The following TMCO4 variants were observed in gnomAD, a reference collection of about 807,000 sequenced individuals.
TMCO4 encodes transmembrane and coiled-coil domain-containing protein 4.
TMCO4 carries 58 observed loss-of-function variants against 64.7 expected under a neutral mutation model. The ratio of observed to expected loss-of-function variants is 0.90; its 90% confidence interval spans 0.73 to 1.12. The LOEUF is 1.12. Among genes scored for constraint, TMCO4 ranks in the 50% most tolerant of loss-of-function variants. TMCO4 has a pLI of 0.00. For missense variants in TMCO4, 780 were observed against 825.9 expected (o/e 0.94, Z 0.68); for synonymous variants, 325 against 346.1 (o/e 0.94, Z 0.68).
chr1:19,722,761 C>T (rs747943960), intron 13 of TMCO4, among the ~76,000 whole-genome samples: 5 of 152,110 alleles, frequency 3.3e-5, no homozygotes, highest in African/African-American at 9.7e-5. Flanking sequence ...TCCAAGGGAG[C>T]GCTGCTGGTC....
intron 15 of TMCO4, among the ~76,000 whole-genome samples, chr1:19,694,175 A>C (rs1292301772): frequency 1.6e-4 from 24 of 151,976 alleles, no homozygotes; most frequent in Admixed American, 1.6e-3. Context: ...ATAATTTAAA[A>C]ATTTTTTATA....
chr1:19,697,086 A>C (rs909821813), intron 14 of TMCO4, among the ~76,000 whole-genome samples: 8 of 152,240 alleles, frequency 5.3e-5, no homozygotes, highest in African/African-American at 1.9e-4. Flanking sequence ...ACAGGTGTTC[A>C]GGGAGCCGCG....
rs891622354 is a variant in TMCO4, at chr1:19,682,308, A to G, written c.*732T>C. The G allele has an allele frequency of 3.7e-6, 1 of 272,210 alleles. No individual in the cohort carries two copies. The highest frequency in any genetic ancestry group is 7.0e-6 in the Non-Finnish European group (1 of 141,972). The allele number at this position is 272,210 out of a possible 1,614,324, so 16.9% of individuals were successfully genotyped here. Reference sequence around the variant, plus strand: ...CTGCTACAGGAAATTCTTTCCATGTAAAATTCATTCTTGTCCCCAGGCCTA... The same window carrying G: ...CTGCTACAGGAAATTCTTTCCATGTGAAATTCATTCTTGTCCCCAGGCCTA... On this transcript the variant is annotated 3_prime_UTR_variant, in exon 16 of 16. Coordinates refer to ENST00000294543, the MANE Select transcript of TMCO4 (RefSeq NM_181719.7).
rs910672231 is a variant in TMCO4 at position 19,781,101 on chromosome 1, C to T, written c.-8-335G>A. ...GAGATTCCACAGTGAGCCGAGATCG[C>T]GCCACGGCACTCCAGCCTGGCTGAC... is the stretch of plus-strand genomic sequence containing the variant. On this transcript the variant is annotated intron_variant, in intron 3 of 15. Coordinates refer to ENST00000294543, the MANE Select transcript of TMCO4 (RefSeq NM_181719.7). Among the ~76,000 whole-genome samples, 5 of 149,264 alleles carry T rather than the reference C, an allele frequency of 3.3e-5. No homozygotes were observed. The South Asian group carries it at 6.4e-4, about 19-fold the overall frequency.
chr1:19,749,005 T>A (rs1042822295), intron 7 of TMCO4, among the ~76,000 whole-genome samples: 3 of 152,208 alleles, frequency 2.0e-5, no homozygotes, highest in African/African-American at 7.2e-5. Flanking sequence ...GTCACTTCAT[T>A]ACACAGAAGC....
intron 13 of TMCO4, among the ~76,000 whole-genome samples, chr1:19,709,760 A>G (rs1317545892): frequency 6.6e-6 from 1 of 151,896 alleles, no homozygotes; most frequent in Admixed American, 6.6e-5. Flanking sequence ...CAAACAAAAA[A>G]AGCTCTGGAA....
intron 8 of TMCO4, 138 bp from the exon 9 acceptor site, chr1:19,746,737 A>G (rs2041804766): frequency 1.8e-6 from 2 of 1,123,500 alleles, no homozygotes; most frequent in Non-Finnish European, 2.5e-6. Context: ...ATCCTGGCTA[A>G]CACGGTGAAA....
intron 13 of TMCO4, among the ~76,000 whole-genome samples, chr1:19,707,116 T>C (rs1345522494): frequency 6.6e-6 from 1 of 152,224 alleles, no homozygotes; most frequent in African/African-American, 2.4e-5. Context: ...TGACCTTCCC[T>C]TCATTCTCTG....
Position 19,745,531 on chromosome 1 carries a change from C to T in TMCO4, c.877+1G>A, listed in dbSNP as rs145825608. ...CCACTTCTGGTCCTCCTGGTCCTCA[C>T]GGTATTTGCCAGAAGCGAGCCACCC... On this transcript the variant is annotated splice_donor_variant, in intron 10 of 15. Coordinates refer to ENST00000294543, the MANE Select transcript of TMCO4 (RefSeq NM_181719.7). LOFTEE classifies it high-confidence loss of function. 40 of 1,613,974 alleles carry T rather than the reference C, an allele frequency of 2.5e-5. No individual in the cohort carries two copies. The highest frequency in any genetic ancestry group is 1.6e-4 in the Middle Eastern group (1 of 6,084).
chr1:19,707,056 C>A (rs1176966281), intron 13 of TMCO4, among the ~76,000 whole-genome samples: 1 of 152,218 alleles, frequency 6.6e-6, no homozygotes, highest in African/African-American at 2.4e-5. Context: ...GGGGACCCAT[C>A]TCTCATGGAG....
intron 2 of TMCO4, among the ~76,000 whole-genome samples, chr1:19,794,018 C>T (rs2044183101): frequency 6.6e-6 from 1 of 152,092 alleles, no homozygotes; most frequent in African/African-American, 2.4e-5. Context: ...GGGGCCGCTG[C>T]AATCTGGCCT....
intron 2 of TMCO4, among the ~76,000 whole-genome samples, chr1:19,788,429 C>T (rs950453560): frequency 5.9e-5 from 9 of 152,092 alleles, no homozygotes; most frequent in East Asian, 1.9e-4. Context: ...TGTTAGGACA[C>T]GCACCAGGAT....
intron 13 of TMCO4, among the ~76,000 whole-genome samples, chr1:19,710,290 T>C (rs2095324814): frequency 6.7e-6 from 1 of 149,802 alleles, no homozygotes; most frequent in Non-Finnish European, 1.5e-5. Context: ...TTTTTGGATT[T>C]TTAGTAGAGA....
At chr1:19,719,429 G>A (rs1354407486) in intron 13 of TMCO4, among the ~76,000 whole-genome samples, 2 of 152,160 alleles carry the variant, frequency 1.3e-5, no homozygotes, top group Non-Finnish European at 2.9e-5. Flanking sequence ...TTCAGTTACA[G>A]CACTGGGTAA....
chr1:19,694,699 A>C (rs2095224049), intron 14 of TMCO4, 148 bp from the exon 15 acceptor site: 1 of 693,710 alleles, frequency 1.4e-6, no homozygotes, highest in Non-Finnish European at 2.5e-6. Flanking sequence ...TGGGGATGGA[A>C]GATGAAGCAG....
intron 6 of TMCO4, among the ~76,000 whole-genome samples, chr1:19,759,793 T>C (rs891208707): frequency 6.6e-6 from 1 of 152,244 alleles, no homozygotes. Flanking sequence ...AGGTTTATTG[T>C]CTGGCTTTCC....
rs188529836 is a variant in TMCO4, at chr1:19,771,958, T to C, written c.180-476A>G. Among the ~76,000 whole-genome samples, 732 of 152,210 alleles carry C rather than the reference T, an allele frequency of 4.8e-3. 5 individuals carry two copies. Among genetic ancestry groups the C allele is most frequent in the African/African-American group, 0.016 (666 of 41,542 alleles). The stretch of plus-strand genomic sequence containing the variant: ...CAAGCGTGAGACACCGTGCCCAGCC[T>C]GGGTGATGTGGATTTTGGTTTCTTC... On this transcript the variant is annotated intron_variant, in intron 4 of 15. Coordinates refer to ENST00000294543, the MANE Select transcript of TMCO4 (RefSeq NM_181719.7).
chr1:19,702,862 G>A (rs1006503765), intron 13 of TMCO4, among the ~76,000 whole-genome samples: 1 of 152,254 alleles, frequency 6.6e-6, no homozygotes, highest in South Asian at 2.1e-4. Flanking sequence ...GCTGCAGATT[G>A]GAAACCAGTA....
At chr1:19,736,072 A>G (rs10917529) in intron 13 of TMCO4, among the ~76,000 whole-genome samples, 22,492 of 152,158 alleles carry the variant, frequency 0.15, 1,909 homozygotes, top group East Asian at 0.33. Context: ...GGAGAGGCAA[A>G]TGGTCTTGCC....
Sources: allele counts gnomAD v4.1 joint callset (sites outside exome capture counted in the v4.1 genomes callset), GRCh38; gene constraint gnomAD v4.1.1; transcripts MANE v1.5; gene names NCBI Gene and HGNC (gene_info 2026-07-23, HGNC 2026-07-21).